Variants in CHD2 observed in about 807,000 individuals in gnomAD.
CHD2 encodes ATP-dependent chromatin remodeler CHD2.
In CHD2, 28 loss-of-function variants were observed where a neutral mutation model predicts 243.9. The observed-to-expected ratio is 0.11, with a 90% CI of 0.09 to 0.16. The LOEUF (loss-of-function observed/expected upper bound fraction) is 0.16, where lower values mean the gene tolerates loss of function less well. Ranked by LOEUF, CHD2 falls within the 10% of genes least tolerant of loss-of-function variation. The pLI, the probability that CHD2 is intolerant of heterozygous loss-of-function variation, is 1.00. For missense variants in CHD2, 1,386 were observed against 2,209.8 expected (o/e 0.63, Z 7.47); for synonymous variants, 775 against 779.0 (o/e 0.99, Z 0.09).
chr15:92,990,194 G>T (rs896233922), intron 26 of CHD2, among the ~76,000 whole-genome samples: 1 of 152,150 alleles, frequency 6.6e-6, no homozygotes, highest in African/African-American at 2.4e-5. Context: ...GGGGAATAGG[G>T]CTTTTGGAGA....
At chr15:92,955,643 G>T in intron 15 of CHD2, 131 bp downstream of exon 15, 1 of 508,338 alleles carries the variant, frequency 2.0e-6, no homozygotes. Context: ...CAAATGGTAG[G>T]GTCTGTACCT....
At chr15:92,912,201 G>A (rs1326351811) in intron 2 of CHD2, among the ~76,000 whole-genome samples, 1 of 152,174 alleles carries the variant, frequency 6.6e-6, no homozygotes, top group Non-Finnish European at 1.5e-5. Flanking sequence ...AGAATCACTT[G>A]GAGAATTTTA....
rs545196097 is a variant in CHD2 at position 92,905,078 on chromosome 15, C to G, written c.62+3779C>G. ...TAGTTTAGTAGAAAATAGAAAATTT[C>G]ACGTTCAATAACATTAAAAAGTGGC... On this transcript the variant is annotated intron_variant, in intron 2 of 38. Transcript: ENST00000394196. The G allele has an allele frequency of 1.2e-5, 16 of 1,349,428 alleles. No individual in the cohort carries two copies. In the African/African-American group the frequency reaches 2.2e-4, roughly 19 times the overall value. The allele number at this position is 1,349,428 out of a possible 1,614,324, so 83.6% of individuals were successfully genotyped here. A position where few individuals can be genotyped will look rare whatever the true frequency, so the allele number is the denominator to read the frequency against.
At chr15:93,018,433 A>G (rs2054489656) in intron 37 of CHD2, among the ~76,000 whole-genome samples, 1 of 152,188 alleles carries the variant, frequency 6.6e-6, no homozygotes, top group Non-Finnish European at 1.5e-5. Flanking sequence ...GAGTAGAGAC[A>G]CTTATTTGGT....
Position 92,955,604 on chromosome 15 carries a change from ATAAATACT to A in CHD2, c.1809+94_1809+101del, listed in dbSNP as rs2053608508. On this transcript the variant is annotated intron_variant, in intron 15 of 38. Coordinates refer to ENST00000394196, the MANE Select transcript of CHD2 (RefSeq NM_001271.4). ...TACTGTTCTGTGGAGCATGTTAGAA[ATAAATACT>A]TGAAAGTTAAAAATAAAAAACAAAT... The A allele has an allele frequency of 1.9e-5, 14 of 728,708 alleles. No individual in the cohort carries two copies. In the East Asian group the frequency reaches 4.6e-4, roughly 24 times the overall value. The allele number at this position is 728,708 out of a possible 1,614,324, so 45.1% of individuals were successfully genotyped here.
At chr15:92,975,054 A>C in intron 20 of CHD2, 104 bp downstream of exon 20, 2 of 897,134 alleles carry the variant, frequency 2.2e-6, no homozygotes, top group South Asian at 3.0e-5. Flanking sequence ...TTATAGTGCA[A>C]TTCTTTTGCC....
At chr15:92,993,643 T>G (rs1008069527) in intron 28 of CHD2, among the ~76,000 whole-genome samples, 1 of 152,068 alleles carries the variant, frequency 6.6e-6, no homozygotes, top group Non-Finnish European at 1.5e-5. Context: ...CATAGTGAAC[T>G]TTAAAGAAAC....
At chr15:92,939,347 C>G (rs905537038) in intron 6 of CHD2, among the ~76,000 whole-genome samples, 1 of 152,178 alleles carries the variant, frequency 6.6e-6, no homozygotes, top group African/African-American at 2.4e-5. Flanking sequence ...CGTTCTTTCC[C>G]ATAAATGATT....
intron 6 of CHD2, among the ~76,000 whole-genome samples, 175 bp downstream of exon 6, chr15:92,937,800 T>C (rs1004772401): frequency 1.3e-5 from 2 of 152,246 alleles, no homozygotes; most frequent in Admixed American, 1.3e-4. Context: ...TACTGCTTCT[T>C]TCTTCGCAGA....
chr15:92,944,890 C>T (rs1596397993), intron 10 of CHD2: 3 of 154,260 alleles, frequency 1.9e-5, no homozygotes, highest in Admixed American at 1.3e-4. Context: ...ATATGTGAAC[C>T]TGGAGCTTAG....
chr15:92,937,779 A>C (rs1329529375), intron 6 of CHD2, among the ~76,000 whole-genome samples, 154 bp downstream of exon 6: 1 of 152,222 alleles, frequency 6.6e-6, no homozygotes, highest in Non-Finnish European at 1.5e-5. Context: ...GCCAGCCTAC[A>C]TTGCAGGTCT....
rs143790986 is a variant in CHD2 at position 92,973,727 on chromosome 15, C to T, written c.2506-1152C>T. Among the ~76,000 whole-genome samples the T allele has an allele frequency of 3.4e-3, 523 of 152,266 alleles. 3 individuals are homozygous for T. The highest frequency in any genetic ancestry group is 0.012 in the African/African-American group (508 of 41,552). On this transcript the variant is annotated intron_variant, in intron 19 of 38. Coordinates refer to ENST00000394196, the MANE Select transcript of CHD2 (RefSeq NM_001271.4). Reference sequence around the variant, plus strand: ...ATGAGCTTTCATTCCTAGGAAATCCCGTGATACCAAGTAAATCAAGAATGC... The same window carrying T: ...ATGAGCTTTCATTCCTAGGAAATCCTGTGATACCAAGTAAATCAAGAATGC...
At chr15:92,972,473 C>G (rs1305691400) in intron 19 of CHD2, 56 bp downstream of exon 19, 1 of 1,443,210 alleles carries the variant, frequency 6.9e-7, no homozygotes, top group Admixed American at 2.2e-5. Flanking sequence ...TCCGCCTCCC[C>G]TCCCCAACCT....
chr15:92,953,231 G>T, intron 13 of CHD2, 126 bp from the exon 14 acceptor site: 1 of 689,588 alleles, frequency 1.5e-6, no homozygotes. Flanking sequence ...AAATACATTT[G>T]AGGCTTATGA....
At chr15:92,979,481 T>C (rs2053949974) in intron 22 of CHD2, among the ~76,000 whole-genome samples, 198 bp downstream of exon 22, 1 of 152,164 alleles carries the variant, frequency 6.6e-6, no homozygotes. Context: ...TCTTATGTGT[T>C]TTCCTCTCTT....
At chr15:92,945,730 T>G in intron 10 of CHD2, 91 bp from the exon 11 acceptor site, 1 of 753,698 alleles carries the variant, frequency 1.3e-6, no homozygotes, top group East Asian at 2.8e-5. Flanking sequence ...TGTGAGGTAG[T>G]AGAATATATT....
At chr15:93,020,321 A>G (rs2054518062) in intron 38 of CHD2, 63 bp downstream of exon 38, 1 of 1,591,974 alleles carries the variant, frequency 6.3e-7, no homozygotes, top group Non-Finnish European at 8.6e-7. Context: ...CTAGGGAGAA[A>G]GTGACGTATA....
At chr15:92,956,982 A>G (rs1172277375) in intron 16 of CHD2, among the ~76,000 whole-genome samples, 1 of 152,220 alleles carries the variant, frequency 6.6e-6, no homozygotes, top group African/African-American at 2.4e-5. Context: ...AAGGTACACA[A>G]GCACTGAAAA....
At chr15:92,902,268 A>G (rs1567115551) in intron 2 of CHD2, 1 of 397,600 alleles carries the variant, frequency 2.5e-6, no homozygotes, top group African/African-American at 2.1e-5. Context: ...CTTGTTAGTG[A>G]TGAAGTAATA....
Sources: allele counts gnomAD v4.1 joint callset (sites outside exome capture counted in the v4.1 genomes callset), GRCh38; gene constraint gnomAD v4.1.1; transcripts MANE v1.5; gene names NCBI Gene and HGNC (gene_info 2026-07-23, HGNC 2026-07-21).